The following DARS1 variants were observed in gnomAD, a reference collection of about 807,000 sequenced individuals.
DARS1 encodes aspartate--tRNA ligase, cytoplasmic.
Under a neutral mutation model 68.8 loss-of-function variants are expected in DARS1, and 51 were observed. The observed-to-expected ratio is 0.74, with a 90% CI of 0.59 to 0.94. DARS1 has a LOEUF of 0.94. Among genes scored for constraint, DARS1 ranks in the 40% least tolerant of loss-of-function variants. The pLI is 0.00. For synonymous variants in DARS1, 203 were observed against 190.4 expected (o/e 1.07, Z -0.55); for missense variants, 607 against 597.3 (o/e 1.02, Z -0.17).
chr2:135,932,932 T>C (rs952879710), intron 6 of DARS1, 90 bp from the exon 7 acceptor site: 7 of 688,322 alleles, frequency 1.0e-5, no homozygotes, highest in South Asian at 1.8e-5. Context: ...TGTTTACTTT[T>C]AATTGAGTAG....
intron 7 of DARS1, among the ~76,000 whole-genome samples, chr2:135,931,429 G>A (rs1681346377): frequency 6.6e-6 from 1 of 152,016 alleles, no homozygotes; most frequent in Admixed American, 6.6e-5. Context: ...AGGAGACAGG[G>A]GTCTTGCCAT....
chr2:135,937,703 C>T (rs1280331177), intron 5 of DARS1, among the ~76,000 whole-genome samples: 1 of 152,166 alleles, frequency 6.6e-6, no homozygotes, highest in Non-Finnish European at 1.5e-5. Flanking sequence ...CAAAATCTCT[C>T]AGCATTTGCT....
intron 3 of DARS1, among the ~76,000 whole-genome samples, chr2:135,977,742 T>A (rs1257177399): frequency 6.6e-6 from 1 of 152,190 alleles, no homozygotes; most frequent in African/African-American, 2.4e-5. Flanking sequence ...GACAAACTCT[T>A]AACAATGGTG....
chr2:135,916,158 T>C, intron 11 of DARS1, 68 bp downstream of exon 11: 1 of 855,346 alleles, frequency 1.2e-6, no homozygotes, highest in Non-Finnish European at 2.0e-6. Flanking sequence ...TATACCTATG[T>C]AACAAACCTG....
At chr2:135,932,701 T>G in intron 7 of DARS1, 82 bp downstream of exon 7, 1 of 771,026 alleles carries the variant, frequency 1.3e-6, no homozygotes, top group Non-Finnish European at 2.2e-6. Flanking sequence ...CATTTAGCTT[T>G]ATAAGCCTGA....
At chr2:135,945,848 A>G (rs1681709705) in intron 4 of DARS1, among the ~76,000 whole-genome samples, 1 of 152,204 alleles carries the variant, frequency 6.6e-6, no homozygotes, top group South Asian at 2.1e-4. Flanking sequence ...TCAGACATAG[A>G]GAACAGTTAA....
intron 4 of DARS1, among the ~76,000 whole-genome samples, chr2:135,945,113 C>T (rs535509607): frequency 3.9e-5 from 6 of 152,186 alleles, no homozygotes; most frequent in Admixed American, 2.6e-4. Context: ...TTCAGGCCAA[C>T]TCAAGTCAAA....
intron 4 of DARS1, 70 bp from the exon 5 acceptor site, chr2:135,943,550 C>T (rs1452805310): frequency 3.2e-6 from 5 of 1,563,704 alleles, no homozygotes; most frequent in South Asian, 1.2e-5. Flanking sequence ...GGTGTTTCAG[C>T]AGTAAAGCTG....
intron 5 of DARS1, among the ~76,000 whole-genome samples, chr2:135,935,308 C>T (rs567216595): frequency 6.6e-6 from 1 of 151,984 alleles, no homozygotes; most frequent in East Asian, 2.0e-4. Flanking sequence ...GTCAAAATCC[C>T]TCAATAGGCC....
chr2:135,943,194 T>C, intron 5 of DARS1, 184 bp downstream of exon 5: 2 of 789,014 alleles, frequency 2.5e-6, no homozygotes, highest in Non-Finnish European at 1.9e-6. Context: ...CAAATAAATG[T>C]TTGTTGTTTC....
At chr2:135,959,485 A>T (rs1297608206) in intron 4 of DARS1, among the ~76,000 whole-genome samples, 1 of 151,204 alleles carries the variant, frequency 6.6e-6, no homozygotes, top group Non-Finnish European at 1.5e-5. Flanking sequence ...AAATAATGAT[A>T]AAAAGATGTT....
rs781142499 is a variant in DARS1 at position 135,916,265 on chromosome 2, C to T, written c.1067G>A (p.Arg356Lys). 3.1e-6 allele frequency: 5 copies of T among 1,591,484 alleles called. No homozygotes were observed. In the Admixed American group the frequency reaches 5.0e-5, roughly 16 times the overall value. The stretch of plus-strand genomic sequence containing the variant: ...ATCTCCCATTTCGACTCCAGCTTCC[C>T]TAAGCATAGCCAATGCTTCACAATA... ...LEYCEALAMLREAGVEMGDED... is the reference protein window; with the variant it reads ...LEYCEALAMLKEAGVEMGDED... Residue 356 changes from arginine to lysine, a missense_variant, in exon 11 of 16, where the codon AGG becomes AAG. Arg to Lys is a conservative substitution (Grantham distance 26). Coordinates refer to ENST00000264161, the MANE Select transcript of DARS1 (RefSeq NM_001349.4).
chr2:135,909,267 C>T (rs1680850255), intron 15 of DARS1, among the ~76,000 whole-genome samples: 1 of 152,104 alleles, frequency 6.6e-6, no homozygotes, highest in African/African-American at 2.4e-5. Context: ...ACATCCTGCA[C>T]ATGTATCCCA....
At chr2:135,972,882 T>C (rs564481918) in intron 3 of DARS1, among the ~76,000 whole-genome samples, 1 of 152,336 alleles carries the variant, frequency 6.6e-6, no homozygotes, top group African/African-American at 2.4e-5. Flanking sequence ...AGGTATCATC[T>C]CCTTTCAGTT....
chr2:135,936,992 T>C (rs569083098), intron 5 of DARS1, among the ~76,000 whole-genome samples: 2 of 152,330 alleles, frequency 1.3e-5, no homozygotes, highest in East Asian at 3.9e-4. Context: ...AATTTAGTGA[T>C]GTATATTGTA....
intron 9 of DARS1, 48 bp downstream of exon 9, chr2:135,922,736 G>A (rs774406331): frequency 6.7e-7 from 1 of 1,484,124 alleles, no homozygotes; most frequent in Non-Finnish European, 8.9e-7. Flanking sequence ...AATTATAACT[G>A]CTGTATAATT....
chr2:135,962,034 T>C (rs1382073687), intron 3 of DARS1, among the ~76,000 whole-genome samples: 1 of 152,216 alleles, frequency 6.6e-6, no homozygotes, highest in Admixed American at 6.5e-5. Context: ...GACAGGCTAG[T>C]GCCTTTCATG....
intron 11 of DARS1, 91 bp from the exon 12 acceptor site, chr2:135,914,602 G>T (rs1366567011): frequency 3.5e-6 from 3 of 863,488 alleles, no homozygotes; most frequent in South Asian, 1.3e-5. Context: ...TTTCTCAAGG[G>T]ATTACAAAAT....
At chr2:135,910,882 G>A (rs550819602) in intron 15 of DARS1, 179 of 363,168 alleles carry the variant, frequency 4.9e-4, no homozygotes, top group South Asian at 8.9e-4. Flanking sequence ...GTGCTAATGC[G>A]AATGAACTCA....
Sources: gnomAD v4.1 joint callset for allele counts (sites outside exome capture counted in the v4.1 genomes callset) on GRCh38, gnomAD v4.1.1 for gene constraint, MANE v1.5 for transcripts, NCBI Gene and HGNC (gene_info 2026-07-23, HGNC 2026-07-21) for gene names.